MAD1L1: variants seen among roughly 807,000 people sequenced by gnomAD.
MAD1L1 encodes mitotic arrest deficient 1 like 1, also known as mitotic spindle assembly checkpoint protein MAD1.
A neutral mutation model predicts 96.9 loss-of-function variants in MAD1L1; 95 were observed. The observed-to-expected ratio is 0.98, with a 90% confidence interval of 0.83 to 1.16. The LOEUF (loss-of-function observed/expected upper bound fraction) is 1.16. Among genes scored for constraint, MAD1L1 ranks in the 50% most tolerant of loss-of-function variants. The probability of loss-of-function intolerance (pLI) is 0.00; values close to 1 mark genes in which losing one functional copy is unlikely to be tolerated. For missense variants in MAD1L1, 1,007 were observed against 954.4 expected, an observed-to-expected ratio of 1.06 and a Z score of -0.73; for synonymous variants, 473 against 396.6, an observed-to-expected ratio of 1.19 and a Z score of -2.29.
At chr7:2,031,352 AG>A (rs1022853623) in intron 12 of MAD1L1, among the ~76,000 whole-genome samples, 3 of 151,956 alleles carry the variant, frequency 2.0e-5, no homozygotes, top group Non-Finnish European at 2.9e-5. Context: ...GCTGTGGGGG[AG>A]GGGGAAAAGG....
chr7:2,006,952 G>T (rs960884436), intron 13 of MAD1L1, among the ~76,000 whole-genome samples: 2 of 152,156 alleles, frequency 1.3e-5, no homozygotes, highest in African/African-American at 4.8e-5. Context: ...GCGAGGGAGG[G>T]CAGGCAGCTC....
At chr7:2,001,988 C>T (rs1781817739) in intron 14 of MAD1L1, 77 bp downstream of exon 14, 8 of 1,501,582 alleles carry the variant, frequency 5.3e-6, no homozygotes, top group Non-Finnish European at 7.4e-6. Context: ...AGCCTAAAGG[C>T]TTATGGGGAC....
Position 2,219,314 on chromosome 7 carries a change from C to A in MAD1L1, c.596+18G>T, listed in dbSNP as rs778276431. 5.2e-6 allele frequency: 8 copies of A among 1,549,332 alleles called. No individual in the cohort carries two copies. Among genetic ancestry groups the A allele is most frequent in the African/African-American group, 1.4e-5 (1 of 73,420 alleles). ...ACACGTGACCCGACCCCCGACCCCA[C>A]ACCCTGGCCCCGCCCACTTGTGTTG... On this transcript the variant is annotated intron_variant, in intron 6 of 18. Coordinates refer to ENST00000265854, the MANE Select transcript of MAD1L1 (RefSeq NM_001013836.2).
In MAD1L1 at chr7:1,923,045, T is replaced by G. The variant is rs1452799383; in HGVS notation, c.1807+13642A>C. Among the ~76,000 whole-genome samples, 9 of 152,342 alleles carry G rather than the reference T, an allele frequency of 5.9e-5. No individual in the cohort carries two copies. The East Asian group carries it at 1.7e-3, about 29-fold the overall frequency. On this transcript the variant is annotated intron_variant, in intron 17 of 18. Transcript: ENST00000265854. ...TTGCTTCACAGAGTGAGTTGGGAAG[T>G]GCTCCCTCTTCTGTTTTCTTGGAGA...
intron 10 of MAD1L1, among the ~76,000 whole-genome samples, chr7:2,175,894 C>G (rs1158588462): frequency 6.6e-6 from 1 of 152,086 alleles, no homozygotes; most frequent in Non-Finnish European, 1.5e-5. Context: ...AGAAATCAAC[C>G]AAGTCAAAAA....
At chr7:2,118,250 C>A (rs1787810039) in intron 11 of MAD1L1, among the ~76,000 whole-genome samples, 1 of 152,230 alleles carries the variant, frequency 6.6e-6, no homozygotes, top group African/African-American at 2.4e-5. Flanking sequence ...ATCCAGGGCA[C>A]AGTGCCAGCC....
At chr7:1,826,428 C>T (rs1264279415) in intron 18 of MAD1L1, among the ~76,000 whole-genome samples, 5 of 152,208 alleles carry the variant, frequency 3.3e-5, no homozygotes, top group Non-Finnish European at 7.3e-5. Context: ...CATGGATGCC[C>T]ATGGCCGGCC....
At chr7:2,083,698 T>G (rs988943531) in intron 11 of MAD1L1, among the ~76,000 whole-genome samples, 5 of 152,240 alleles carry the variant, frequency 3.3e-5, no homozygotes, top group Non-Finnish European at 7.3e-5. Context: ...AAACCCGGCC[T>G]CCGCCACTGA....
At chr7:1,925,871 A>C (rs952873326) in intron 17 of MAD1L1, among the ~76,000 whole-genome samples, 2 of 152,250 alleles carry the variant, frequency 1.3e-5, no homozygotes, top group Non-Finnish European at 2.9e-5. Flanking sequence ...CCACCTGAAG[A>C]GGCCAGAAAA....
chr7:1,850,001 C>A (rs1253456075), intron 18 of MAD1L1: 1 of 152,196 alleles, frequency 6.6e-6, no homozygotes, highest in African/African-American at 2.4e-5. Context: ...AGAAACAGCC[C>A]CGCTTTGATT....
chr7:1,960,131 A>G (rs951623973), intron 15 of MAD1L1, among the ~76,000 whole-genome samples: 32 of 152,118 alleles, frequency 2.1e-4, no homozygotes, highest in African/African-American at 7.5e-4. Flanking sequence ...TAAGTTAAAG[A>G]TGTATACTAT....
At chr7:1,840,974 C>T (rs1176847883) in intron 18 of MAD1L1, among the ~76,000 whole-genome samples, 3 of 152,166 alleles carry the variant, frequency 2.0e-5, no homozygotes, top group African/African-American at 7.2e-5. Flanking sequence ...GGTCCCCGTG[C>T]GTTTGCAGCC....
intron 17 of MAD1L1, among the ~76,000 whole-genome samples, chr7:1,914,295 ACT>A (rs1334437804): frequency 6.6e-6 from 1 of 152,078 alleles, no homozygotes; most frequent in Non-Finnish European, 1.5e-5. Context: ...GTGGGAAGGG[ACT>A]CTGCAGATGT....
In MAD1L1 at chr7:1,920,235, T is replaced by TGTGC. The variant is rs566408336; in HGVS notation, c.1807+16448_1807+16451dup. ...CAACTCCCTGTAACAAGCATCTCCGTGTGCGTGCGTGCGTGCGTGTGCATG... is the reference window on the plus strand; with the variant it reads ...CAACTCCCTGTAACAAGCATCTCCGTGTGCGTGCGTGCGTGCGTGCGTGTGCATG... On this transcript the variant is annotated intron_variant, in intron 17 of 18. Coordinates refer to ENST00000265854, the MANE Select transcript of MAD1L1 (RefSeq NM_001013836.2). 4.6e-4 allele frequency among the ~76,000 whole-genome samples: 70 copies of TGTGC among 152,318 alleles called. 1 individual carries two copies. Among genetic ancestry groups the TGTGC allele is most frequent in the Admixed American group, 2.7e-3 (42 of 15,310 alleles).
chr7:2,054,918 T>A (rs139291141), intron 12 of MAD1L1, among the ~76,000 whole-genome samples: 2 of 152,274 alleles, frequency 1.3e-5, no homozygotes, highest in African/African-American at 4.8e-5. Context: ...TCCTTGGACA[T>A]CCCCAGAGGC....
rs116574662 is a variant in MAD1L1, at chr7:1,919,314, G to A, written c.1807+17373C>T. 7.0e-3 allele frequency among the ~76,000 whole-genome samples: 1,067 copies of A among 152,350 alleles called. 4 individuals carry two copies. The highest frequency in any genetic ancestry group is 0.011 in the Non-Finnish European group (774 of 68,038). On this transcript the variant is annotated intron_variant, in intron 17 of 18. Transcript: ENST00000265854. ...CCAGGCCGTCCAACACGGCTGCCCC[G>A]GCCTCAGATGGACACACGGTGTGTT...
At chr7:1,876,330 T>C (rs1290403114) in intron 18 of MAD1L1, among the ~76,000 whole-genome samples, 1 of 151,790 alleles carries the variant, frequency 6.6e-6, no homozygotes, top group East Asian at 1.9e-4. Flanking sequence ...CCCCGTCTGG[T>C]CCAACACCAG....
At chr7:2,025,227 T>A (rs952586291) in intron 12 of MAD1L1, among the ~76,000 whole-genome samples, 2 of 152,184 alleles carry the variant, frequency 1.3e-5, no homozygotes, top group African/African-American at 4.8e-5. Flanking sequence ...ATTATAGATC[T>A]AGAGGAACAT....
intron 5 of MAD1L1, chr7:2,220,923 C>A: frequency 1.2e-6 from 2 of 1,612,274 alleles, no homozygotes; most frequent in Non-Finnish European, 1.7e-6. Flanking sequence ...GCCGAGCCCA[C>A]CTGCCCACAG....
Sources: allele counts gnomAD v4.1 joint callset (sites outside exome capture counted in the v4.1 genomes callset), GRCh38; gene constraint gnomAD v4.1.1; transcripts MANE v1.5; gene names NCBI Gene and HGNC (gene_info 2026-07-23, HGNC 2026-07-21).